Variants in RPL13A observed in about 807,000 individuals in gnomAD.
RPL13A encodes the protein large ribosomal subunit protein uL13.
Under a neutral mutation model 30.8 loss-of-function variants are expected in RPL13A, and 4 were observed. The observed-to-expected ratio is 0.13, with a 90% CI of 0.06 to 0.30. The LOEUF (loss-of-function observed/expected upper bound fraction) is 0.30. Among genes scored for constraint, RPL13A ranks in the 10% least tolerant of loss-of-function variants. The pLI is 1.00. For synonymous variants in RPL13A, 108 were observed against 104.2 expected (o/e 1.04, Z -0.22); for missense variants, 196 against 272.6 (o/e 0.72, Z 1.98).
rs928388218 is a variant in RPL13A at position 49,491,747 on chromosome 19, G to A, written c.544G>A (p.Glu182Lys). ...TTGGCAGAGGCTACGGAAACAGGCC[G>A]AGAAGAACGTGGAGAAGAAAATTGA... ...KQLMRLRKQA[E>K]KNVEKKIDKY... The change falls in exon 8 of 8, where the codon GAG becomes AAG. Residue 182 changes from glutamate to lysine, a missense_variant. Transcript: ENST00000391857. The A allele has an allele frequency of 5.6e-6, 9 of 1,613,486 alleles. No homozygotes were observed. Among genetic ancestry groups the A allele is most frequent in the Non-Finnish European group, 6.8e-6 (8 of 1,179,792 alleles).
chr19:49,491,237 C>A, intron 6 of RPL13A, 138 bp downstream of exon 6: 1 of 1,233,956 alleles, frequency 8.1e-7, no homozygotes. Context: ...GCGACAATGC[C>A]AATGGCTTAG....
At chr19:49,489,435 C>T (rs555475874) in intron 1 of RPL13A, among the ~76,000 whole-genome samples, 2 of 152,166 alleles carry the variant, frequency 1.3e-5, no homozygotes, top group South Asian at 4.1e-4. Flanking sequence ...TGGGAGGTCA[C>T]AGGATCACAG....
Position 49,487,633 on chromosome 19 carries a change from G to A in RPL13A, c.4G>A (p.Ala2Thr). The A allele has an allele frequency of 1.9e-6, 3 of 1,574,330 alleles. No homozygotes were observed. Among genetic ancestry groups the A allele is most frequent in the Non-Finnish European group, 2.6e-6 (3 of 1,161,022 alleles). M[A>T]EVQVLVLDGR... is the part of the protein sequence containing the mutation. ...CTTTTCCAAGCGGCTGCCGAAGATG[G>A]CGGAGGTGCAGGTATGGGCTCCGCG... Residue 2 changes from alanine (A) to threonine (T), a missense_variant, in exon 1 of 8, where the codon GCG becomes ACG. Coordinates refer to ENST00000391857, the MANE Select transcript of RPL13A (RefSeq NM_012423.4).
At chr19:49,487,713 C>T (rs1439899708) in intron 1 of RPL13A, 69 bp downstream of exon 1, 2 of 1,422,556 alleles carry the variant, frequency 1.4e-6, no homozygotes, top group Non-Finnish European at 1.9e-6. Flanking sequence ...GGGTCGCACC[C>T]TCTCTGTCTT....
intron 3 of RPL13A, 75 bp from the exon 4 acceptor site, chr19:49,490,400 T>C (rs1324693521): frequency 6.3e-7 from 1 of 1,592,230 alleles, no homozygotes. Flanking sequence ...TTGGGGTTTC[T>C]GAGAAGGCCC....
In RPL13A at chr19:49,491,852, G is replaced by A. The variant is rs2079874927; in HGVS notation, c.*37G>A. The A allele has an allele frequency of 2.6e-6, 4 of 1,511,728 alleles. No homozygotes were observed. Among genetic ancestry groups the A allele is most frequent in the South Asian group, 2.3e-5 (2 of 86,448 alleles). The allele number at this position is 1,511,728 out of a possible 1,614,324, so 93.6% of individuals were successfully genotyped here. A position where few individuals can be genotyped will look rare whatever the true frequency, so the allele number is the denominator to read the frequency against. ...ACTGTTAATTCCTCATGCGTTGCCTGCCCTTCCTCCATTGTTGCCCTGGAA... is the reference window on the plus strand; with the variant it reads ...ACTGTTAATTCCTCATGCGTTGCCTACCCTTCCTCCATTGTTGCCCTGGAA... On this transcript the variant is annotated 3_prime_UTR_variant, in exon 8 of 8. Transcript: ENST00000391857.
chr19:49,487,695 C>G (rs773671228), intron 1 of RPL13A, 51 bp downstream of exon 1: 2 of 1,480,406 alleles, frequency 1.4e-6, no homozygotes, highest in Non-Finnish European at 1.8e-6. Flanking sequence ...GGGATCCAGG[C>G]CGGAATGGGG....
In RPL13A at chr19:49,487,916, G is replaced by C. The variant is rs551838390; in HGVS notation, c.15+272G>C. ...TTTGCAACTAGATTTTGCTTACCTT[G>C]AACTCGGGTAGTGGGTGGGGGCCCT... is the stretch of plus-strand genomic sequence containing the variant. On this transcript the variant is annotated intron_variant, in intron 1 of 7. Transcript: ENST00000391857. Among the ~76,000 whole-genome samples, 4 of 152,232 alleles carry C rather than the reference G, an allele frequency of 2.6e-5. No homozygotes were observed. The South Asian group carries it at 6.2e-4, about 24-fold the overall frequency.
At position 49,491,075 on chromosome 19, in the gene RPL13A, C is replaced by G. The variant is rs764413286; in HGVS notation, c.378C>G (p.Val126=). 1.2e-6 allele frequency: 2 copies of G among 1,614,086 alleles called. No homozygotes were observed. The highest frequency in any genetic ancestry group is 1.3e-5 in the African/African-American group (1 of 74,948). ...TGGTGGTTCCTGCTGCCCTCAAGGTCGTGCGTCTGAAGCCTACAAGAAAGG... is the reference window on the plus strand; with the variant it reads ...TGGTGGTTCCTGCTGCCCTCAAGGTGGTGCGTCTGAAGCCTACAAGAAAGG... ...KRMVVPAALK[V]VRLKPTRKFA... The change falls in exon 6 of 8, where the codon GTC becomes GTG. Residue 126 remains valine (V), a synonymous_variant. Coordinates refer to ENST00000391857, the MANE Select transcript of RPL13A (RefSeq NM_012423.4).
In RPL13A at chr19:49,489,921, G is replaced by A; in HGVS notation, c.87G>A (p.Leu29=). The change falls in exon 2 of 8, where the codon CTG becomes CTA. Residue 29 remains leucine (L), a splice_region_variant and synonymous_variant. Transcript: ENST00000391857. ...CCATCGTGGCTAAACAGGTACTGCT[G>A]GGTAAGTCGCTGCTCGTGGCCCCTC... ...LAAIVAKQVL[L]GRKVVVVRCE... The A allele has an allele frequency of 1.9e-6, 3 of 1,612,992 alleles. No homozygotes were observed. The highest frequency in any genetic ancestry group is 1.3e-5 in the African/African-American group (1 of 75,054).
At position 49,491,400 on chromosome 19, in the gene RPL13A, TCACCCCC is replaced by T. The variant is rs1362041068; in HGVS notation, c.403-23_403-17del. 3 of 976,862 alleles carry T rather than the reference TCACCCCC, an allele frequency of 3.1e-6. No homozygotes were observed. The highest frequency in any genetic ancestry group is 1.4e-5 in the South Asian group (1 of 69,350). The allele number at this position is 976,862 out of a possible 1,614,324, so 60.5% of individuals were successfully genotyped here. Reference sequence around the variant, plus strand: ...TAGATATCCTTACAACTTCATTTGTTCACCCCCCCCCCCCCCCCCCGCAGTTTGCCTA... The same window carrying T: ...TAGATATCCTTACAACTTCATTTGTTCCCCCCCCCCCCCGCAGTTTGCCTA... On this transcript the variant is annotated intron_variant, in intron 6 of 7. Coordinates refer to ENST00000391857, the MANE Select transcript of RPL13A (RefSeq NM_012423.4).
At chr19:49,490,170 T>G in intron 2 of RPL13A, 62 bp from the exon 3 acceptor site, 1 of 1,487,222 alleles carries the variant, frequency 6.7e-7, no homozygotes. Flanking sequence ...GGAGGGTGAC[T>G]GCATAGGCAG....
Position 49,492,190 on chromosome 19 carries a change from AC to A in RPL13A, c.*376del. ...GGGGACAGCATGAGCTTGCTGTTGTACACAGGGTATTTCTAGAAGCAGAAAT... is the reference window on the plus strand; with the variant it reads ...GGGGACAGCATGAGCTTGCTGTTGTAACAGGGTATTTCTAGAAGCAGAAAT... On this transcript the variant is annotated 3_prime_UTR_variant, in exon 8 of 8. Transcript: ENST00000391857. 5.0e-6 allele frequency: 1 copy of A among 200,726 alleles called. No individual in the cohort carries two copies. The highest frequency in any genetic ancestry group is 1.0e-5 in the Non-Finnish European group (1 of 96,476). The allele number at this position is 200,726 out of a possible 1,614,324, so 12.4% of individuals were successfully genotyped here.
chr19:49,490,563 G>T lies in RPL13A; in HGVS notation c.243G>T (p.Trp81Cys), dbSNP rs867910883. 1 of 1,614,052 alleles carries T rather than the reference G, an allele frequency of 6.2e-7. No individual in the cohort carries two copies. Among genetic ancestry groups the T allele is most frequent in the African/African-American group, 1.3e-5 (1 of 74,936 alleles). ...TCCGGGCCCCCAGCCGCATCTTCTG[G>T]CGGACCGTGCGAGGTGAGCAGAGCG... ...YHFRAPSRIFWRTVRGMLPHK... is the reference protein window; with the variant it reads ...YHFRAPSRIFCRTVRGMLPHK... Residue 81 changes from tryptophan to cysteine, a missense_variant, in exon 4 of 8, where the codon TGG becomes TGT. By Grantham distance (215) the Trp-to-Cys change is radical. Transcript: ENST00000391857.
intron 1 of RPL13A, among the ~76,000 whole-genome samples, chr19:49,489,048 A>G (rs149191434): frequency 1.1e-3 from 164 of 152,344 alleles, no homozygotes; most frequent in East Asian, 5.4e-3. Flanking sequence ...GTGCCTGAGC[A>G]GTTTACCGGG....
intron 6 of RPL13A, 63 bp from the exon 7 acceptor site, chr19:49,491,362 G>C: frequency 6.9e-7 from 1 of 1,443,720 alleles, no homozygotes; most frequent in Non-Finnish European, 9.6e-7. Context: ...CGGCTCTTCA[G>C]GGTGTGGGGG....
At chr19:49,491,595 G>A (rs768849278) in intron 7 of RPL13A, 48 bp downstream of exon 7, 10 of 1,555,384 alleles carry the variant, frequency 6.4e-6, no homozygotes, top group Non-Finnish European at 8.7e-7. Flanking sequence ...TCCTGGACAG[G>A]CCTGGCAGGT....
chr19:49,489,725 C>G (rs2079845246), intron 1 of RPL13A, 125 bp from the exon 2 acceptor site: 5 of 794,792 alleles, frequency 6.3e-6, no homozygotes, highest in Admixed American at 1.8e-5. Context: ...GCATAGTTCC[C>G]AGCTCTGATG....
intron 1 of RPL13A, among the ~76,000 whole-genome samples, chr19:49,488,046 C>T (rs2079825148): frequency 6.6e-6 from 1 of 152,096 alleles, no homozygotes; most frequent in African/African-American, 2.4e-5. Context: ...TGAGTTTTGG[C>T]CAAAATGGAA....
Sources: gnomAD v4.1 joint callset for allele counts (sites outside exome capture counted in the v4.1 genomes callset) on GRCh38, gnomAD v4.1.1 for gene constraint, MANE v1.5 for transcripts, NCBI Gene and HGNC (gene_info 2026-07-23, HGNC 2026-07-21) for gene names.